The following SLC35F4 variants were observed in gnomAD, a reference collection of about 807,000 sequenced individuals.
SLC35F4 encodes the protein chromosome 14 open reading frame 36.
In SLC35F4, 24 loss-of-function variants were observed where a neutral mutation model predicts 44.2. That is an observed-to-expected ratio of 0.54 (90% CI 0.39 to 0.76). The LOEUF (loss-of-function observed/expected upper bound fraction) is 0.76, where lower values mean the gene tolerates loss of function less well. Among genes scored for constraint, SLC35F4 ranks in the 30% least tolerant of loss-of-function variants. SLC35F4 has a pLI of 0.00. For synonymous variants in SLC35F4, 238 were observed against 223.6 expected (o/e 1.06, Z -0.57); for missense variants, 562 against 586.1 (o/e 0.96, Z 0.42).
chr14:57,585,205 T>C (rs2069609925), intron 3 of SLC35F4, among the ~76,000 whole-genome samples: 1 of 135,502 alleles, frequency 7.4e-6, no homozygotes, highest in African/African-American at 2.7e-5. Context: ...TTATAGCTCA[T>C]GCCTATAATC....
intron 1 of SLC35F4, among the ~76,000 whole-genome samples, chr14:57,821,210 G>T (rs1417238335): frequency 1.4e-5 from 2 of 147,194 alleles, no homozygotes; most frequent in African/African-American, 4.9e-5. Flanking sequence ...TTTTTGTGAT[G>T]CCAAAGGCAA....
At chr14:57,597,665 G>A (rs2070575141) in intron 1 of SLC35F4, among the ~76,000 whole-genome samples, 1 of 152,208 alleles carries the variant, frequency 6.6e-6, no homozygotes, top group African/African-American at 2.4e-5. Flanking sequence ...AGGTGTCTTT[G>A]AAGGATGAAC....
chr14:57,718,861 C>G (rs1320666448), intron 1 of SLC35F4, among the ~76,000 whole-genome samples: 1 of 152,060 alleles, frequency 6.6e-6, no homozygotes, highest in Non-Finnish European at 1.5e-5. Context: ...TCCCATTTGT[C>G]TATTTTTGCT....
At chr14:57,684,739 T>G (rs945636145) in intron 1 of SLC35F4, among the ~76,000 whole-genome samples, 1 of 152,202 alleles carries the variant, frequency 6.6e-6, no homozygotes, top group Non-Finnish European at 1.5e-5. Flanking sequence ...AAGCACCATA[T>G]GCCAGTCTTC....
At chr14:57,728,380 T>C (rs1406907386) in intron 1 of SLC35F4, among the ~76,000 whole-genome samples, 2 of 151,680 alleles carry the variant, frequency 1.3e-5, no homozygotes, top group East Asian at 3.9e-4. Context: ...TTTTACTGCA[T>C]GCTTACTGTT....
chr14:57,709,290 C>G (rs914914243), intron 1 of SLC35F4, among the ~76,000 whole-genome samples: 3 of 152,142 alleles, frequency 2.0e-5, no homozygotes, highest in East Asian at 1.9e-4. Flanking sequence ...GGCATTACCG[C>G]TAGACCAAGG....
chr14:57,965,317 G>C (rs1890417818), intron 1 of SLC35F4, among the ~76,000 whole-genome samples: 1 of 149,766 alleles, frequency 6.7e-6, no homozygotes, highest in Non-Finnish European at 1.5e-5. Flanking sequence ...TTTTCACCTT[G>C]CATCATTCAC....
chr14:57,890,318 G>T (rs552379663), intron 1 of SLC35F4, among the ~76,000 whole-genome samples: 1 of 152,298 alleles, frequency 6.6e-6, no homozygotes, highest in African/African-American at 2.4e-5. Context: ...AGGTCAACCC[G>T]CAGACCCAAG....
chr14:57,654,235 C>G (rs1225876435), intron 1 of SLC35F4, among the ~76,000 whole-genome samples: 1 of 152,078 alleles, frequency 6.6e-6, no homozygotes, highest in Non-Finnish European at 1.5e-5. Flanking sequence ...TTTGTGCACC[C>G]ATCACCCAAG....
At chr14:57,625,343 G>C (rs921025902) in intron 1 of SLC35F4, among the ~76,000 whole-genome samples, 1 of 152,134 alleles carries the variant, frequency 6.6e-6, no homozygotes, top group Admixed American at 6.6e-5. Flanking sequence ...ACATGGATAG[G>C]AAGAATCAAT....
At chr14:57,626,890 A>C (rs1180977891) in intron 1 of SLC35F4, among the ~76,000 whole-genome samples, 1 of 152,136 alleles carries the variant, frequency 6.6e-6, no homozygotes, top group East Asian at 1.9e-4. Flanking sequence ...ATTTCTAAAG[A>C]GGTGTGTAGA....
At chr14:57,951,901 G>A (rs1260942382) in intron 1 of SLC35F4, among the ~76,000 whole-genome samples, 1 of 152,216 alleles carries the variant, frequency 6.6e-6, no homozygotes, top group African/African-American at 2.4e-5. Context: ...TCTGAAGAGA[G>A]CAGCAGATCT....
intron 1 of SLC35F4, among the ~76,000 whole-genome samples, chr14:57,751,934 CTCTGTG>C (rs1214936912): frequency 6.8e-6 from 1 of 146,948 alleles, no homozygotes; most frequent in African/African-American, 2.5e-5. Context: ...CTCTCTCTCT[CTCTGTG>C]TGTGTGTGTG....
intron 1 of SLC35F4, among the ~76,000 whole-genome samples, chr14:57,964,661 G>T (rs1890400262): frequency 6.6e-6 from 1 of 152,006 alleles, no homozygotes. Flanking sequence ...GGGAGGAAGA[G>T]GTTGTGCAGA....
intron 1 of SLC35F4, among the ~76,000 whole-genome samples, chr14:57,812,264 G>C (rs1407130753): frequency 6.6e-6 from 1 of 152,078 alleles, no homozygotes; most frequent in Admixed American, 6.5e-5. Flanking sequence ...GTGTGGCCCA[G>C]CTGGAACCCA....
chr14:57,646,971 A>C (rs1172131715), intron 1 of SLC35F4, among the ~76,000 whole-genome samples: 1 of 152,204 alleles, frequency 6.6e-6, no homozygotes, highest in Non-Finnish European at 1.5e-5. Context: ...GTTTGATTGC[A>C]CTGTGGTCTG....
rs572844424 is a variant in SLC35F4 at position 57,773,125 on chromosome 14, G to T, written c.103+92598C>A. Among the ~76,000 whole-genome samples the T allele has an allele frequency of 7.2e-5, 11 of 152,192 alleles. No individual in the cohort carries two copies. In the South Asian group the frequency reaches 2.3e-3, roughly 32 times the overall value. On this transcript the variant is annotated intron_variant, in intron 1 of 7. Coordinates refer to ENST00000556826, the MANE Select transcript of SLC35F4 (RefSeq NM_001306087.2). ...GCATTTTTTCATGGGTTTGTTGGCT[G>T]CTTGTATTTCTTCTTTTGAGAAATG...
chr14:57,688,591 G>A (rs1398188013), intron 1 of SLC35F4, among the ~76,000 whole-genome samples: 1 of 152,172 alleles, frequency 6.6e-6, no homozygotes, highest in East Asian at 1.9e-4. Flanking sequence ...AATGAACAAT[G>A]ATCGCATCTC....
At chr14:57,572,271 C>T (rs1408494822) in intron 4 of SLC35F4, among the ~76,000 whole-genome samples, 2 of 152,066 alleles carry the variant, frequency 1.3e-5, no homozygotes, top group East Asian at 3.8e-4. Context: ...TATATTTTTA[C>T]TTTTTTAGGC....
Sources: allele counts gnomAD v4.1 joint callset (sites outside exome capture counted in the v4.1 genomes callset), GRCh38; gene constraint gnomAD v4.1.1; transcripts MANE v1.5; gene names NCBI Gene and HGNC (gene_info 2026-07-23, HGNC 2026-07-21).